Variants in PTAFR observed in about 807,000 individuals in gnomAD.
PTAFR encodes platelet-activating factor receptor.
In PTAFR, 8 loss-of-function variants were observed where a neutral mutation model predicts 14.7. That is an observed-to-expected ratio of 0.54 (90% CI 0.32 to 0.98). The LOEUF (loss-of-function observed/expected upper bound fraction) is 0.98, where lower values mean the gene tolerates loss of function less well. Ranked by LOEUF, PTAFR falls within the 50% of genes least tolerant of loss-of-function variation. The pLI is 0.04. For synonymous variants in PTAFR, 156 were observed against 176.5 expected (o/e 0.88, Z 0.92); for missense variants, 337 against 451.2 (o/e 0.75, Z 2.29).
At chr1:28,174,078 T>C (rs1324657103) in intron 1 of PTAFR, among the ~76,000 whole-genome samples, 1 of 151,890 alleles carries the variant, frequency 6.6e-6, no homozygotes, top group Non-Finnish European at 1.5e-5. Context: ...CAGACACACA[T>C]GCACACACAA....
chr1:28,158,911 G>A (rs529740078), intron 1 of PTAFR, among the ~76,000 whole-genome samples: 239 of 152,310 alleles, frequency 1.6e-3, no homozygotes, highest in Middle Eastern at 6.8e-3. Flanking sequence ...AAAGAGACAC[G>A]TGCAGTCGTC....
At chr1:28,157,177 T>C (rs961387057) in intron 1 of PTAFR, among the ~76,000 whole-genome samples, 10 of 152,186 alleles carry the variant, frequency 6.6e-5, no homozygotes, top group African/African-American at 2.4e-4. Flanking sequence ...CTTGGCTCTG[T>C]CACCCAGACT....
intron 1 of PTAFR, among the ~76,000 whole-genome samples, chr1:28,184,920 G>GT (rs1435007637): frequency 3.3e-5 from 5 of 151,768 alleles, no homozygotes; most frequent in Non-Finnish European, 7.4e-5. Flanking sequence ...GATTACAGGC[G>GT]TAAGCCACCA....
Position 28,157,714 on chromosome 1 carries a change from C to T in PTAFR, c.-38-6655G>A, listed in dbSNP as rs568732150. 7.3e-5 allele frequency among the ~76,000 whole-genome samples: 11 copies of T among 151,474 alleles called. No individual in the cohort carries two copies. The East Asian group carries it at 7.8e-4, about 11-fold the overall frequency. ...CGCGATCTCAGCTCACTGCAAGCTC[C>T]GCCTCCTGGGTTCACGCCATTCTCC... On this transcript the variant is annotated intron_variant, in intron 1 of 1. Transcript: ENST00000373857.
At chr1:28,158,891 G>A (rs1321511690) in intron 1 of PTAFR, among the ~76,000 whole-genome samples, 2 of 152,188 alleles carry the variant, frequency 1.3e-5, no homozygotes, top group Non-Finnish European at 2.9e-5. Context: ...ACCAGAGTCA[G>A]GGAGACAGCA....
At chr1:28,161,813 G>A (rs1557688960) in intron 1 of PTAFR, among the ~76,000 whole-genome samples, 2 of 152,212 alleles carry the variant, frequency 1.3e-5, no homozygotes, top group East Asian at 1.9e-4. Flanking sequence ...TTCAAAGGGG[G>A]GCCCTTCAAA....
chr1:28,175,104 G>A (rs995843180), intron 1 of PTAFR, among the ~76,000 whole-genome samples: 67 of 152,004 alleles, frequency 4.4e-4, no homozygotes, highest in African/African-American at 1.4e-3. Flanking sequence ...AGTAGAGATG[G>A]GGTTTCACCA....
At chr1:28,165,177 G>A (rs1401460964) in intron 1 of PTAFR, among the ~76,000 whole-genome samples, 1 of 152,124 alleles carries the variant, frequency 6.6e-6, no homozygotes, top group Non-Finnish European at 1.5e-5. Flanking sequence ...GGCTGAGGCA[G>A]GCAGATCACT....
chr1:28,191,290 G>A (rs1438684143), intron 1 of PTAFR, among the ~76,000 whole-genome samples: 2 of 152,262 alleles, frequency 1.3e-5, no homozygotes, highest in East Asian at 3.8e-4. Context: ...GAGGACTTAA[G>A]TTGGAAGAAG....
intron 1 of PTAFR, among the ~76,000 whole-genome samples, chr1:28,152,857 G>A (rs1413854276): frequency 6.6e-6 from 1 of 152,222 alleles, no homozygotes; most frequent in Non-Finnish European, 1.5e-5. Flanking sequence ...AGATCTAGAA[G>A]GATACACCTC....
chr1:28,164,647 C>T (rs1298609828), intron 1 of PTAFR, among the ~76,000 whole-genome samples: 5 of 152,182 alleles, frequency 3.3e-5, no homozygotes, highest in African/African-American at 1.2e-4. Flanking sequence ...TAGATTTGTC[C>T]ATAGTCACAC....
intron 1 of PTAFR, among the ~76,000 whole-genome samples, chr1:28,163,661 T>C (rs559601078): frequency 6.6e-6 from 1 of 152,204 alleles, no homozygotes; most frequent in Non-Finnish European, 1.5e-5. Context: ...AAGATAAGTA[T>C]GCAAAGTGGC....
chr1:28,185,467 C>T (rs1435942809), intron 1 of PTAFR, among the ~76,000 whole-genome samples: 3 of 152,268 alleles, frequency 2.0e-5, no homozygotes, highest in Non-Finnish European at 1.5e-5. Context: ...CTGTGAGTAT[C>T]GCTTTTCTCA....
intron 1 of PTAFR, among the ~76,000 whole-genome samples, chr1:28,153,268 A>G (rs887953236): frequency 6.6e-6 from 1 of 152,166 alleles, no homozygotes; most frequent in Non-Finnish European, 1.5e-5. Context: ...AAAACAAAAC[A>G]GTTGCTCCCT....
upstream of PTAFR, among the ~76,000 whole-genome samples, chr1:28,178,981 C>T (rs757117853): frequency 5.9e-5 from 9 of 151,836 alleles, no homozygotes; most frequent in African/African-American, 1.9e-4. Flanking sequence ...AGTGAGACCC[C>T]ATCTTCATAT....
At chr1:28,161,351 A>C (rs1381367015) in intron 1 of PTAFR, among the ~76,000 whole-genome samples, 1 of 152,226 alleles carries the variant, frequency 6.6e-6, no homozygotes, top group African/African-American at 2.4e-5. Context: ...GAGACTGCAG[A>C]AACAAAACAA....
chr1:28,164,883 G>A (rs540404584), intron 1 of PTAFR, among the ~76,000 whole-genome samples: 1 of 152,292 alleles, frequency 6.6e-6, no homozygotes, highest in East Asian at 1.9e-4. Context: ...AGCTGGGAAG[G>A]GAATGCGACA....
At chr1:28,170,251 G>A (rs1396937627) in intron 1 of PTAFR, among the ~76,000 whole-genome samples, 2 of 152,132 alleles carry the variant, frequency 1.3e-5, no homozygotes, top group Non-Finnish European at 2.9e-5. Flanking sequence ...GCAAACACAT[G>A]AGAAATACTG....
rs568828881 is a variant in PTAFR, at chr1:28,150,332, C to G, written c.690G>C (p.Ala230=). 4.5e-5 allele frequency: 72 copies of G among 1,613,784 alleles called. No individual in the cohort carries two copies. Among genetic ancestry groups the G allele is most frequent in the Non-Finnish European group, 6.0e-5 (71 of 1,179,876 alleles). Reference sequence around the variant, plus strand: ...CCAAGACCGTGCACACCATCCACAGCGCCCGGCGCTTGACTTCAGCGTTGC... The same window carrying G: ...CCAAGACCGTGCACACCATCCACAGGGCCCGGCGCTTGACTTCAGCGTTGC... ...QQRNAEVKRR[A]LWMVCTVLAV... Residue 230 remains alanine, a synonymous_variant, in exon 2 of 2, where the codon GCG becomes GCC. Transcript: ENST00000373857. The surrounding 1 kb of genome is among the most constrained non-coding windows in gnomAD (Gnocchi z 6.3).
Sources: gnomAD v4.1 joint callset for allele counts (sites outside exome capture counted in the v4.1 genomes callset) on GRCh38, gnomAD v4.1.1 for gene constraint, Gnocchi (gnomAD v3.1) non-coding constraint, MANE v1.5 for transcripts, NCBI Gene and HGNC (gene_info 2026-07-23, HGNC 2026-07-21) for gene names.